The following SH3KBP1 variants were observed in gnomAD, a reference collection of about 807,000 sequenced individuals.
SH3KBP1 encodes the protein SH3 domain-containing kinase-binding protein 1.
In SH3KBP1, 8 loss-of-function variants were observed where a neutral mutation model predicts 50.1. The ratio of observed to expected loss-of-function variants is 0.16; its 90% CI spans 0.09 to 0.29. SH3KBP1 has a LOEUF of 0.29. Among genes scored for constraint, SH3KBP1 ranks in the 10% least tolerant of loss-of-function variants. The pLI is 1.00. For missense variants in SH3KBP1, 377 were observed against 535.2 expected, an observed-to-expected ratio of 0.70 and a Z score of 2.92; for synonymous variants, 227 against 218.6, an observed-to-expected ratio of 1.04 and a Z score of -0.34.
At chrX:19,886,263 T>C (rs186489804) in intron 1 of SH3KBP1, among the ~76,000 whole-genome samples, 141 of 112,288 alleles carry the variant, frequency 1.3e-3, no homozygotes, top group African/African-American at 4.2e-3. Context: ...TCCTGACTAG[T>C]GTACTGGAAT....
At chrX:19,876,324 G>A (rs1217200380) in intron 1 of SH3KBP1, among the ~76,000 whole-genome samples, 1 of 112,013 alleles carries the variant, frequency 8.9e-6, no homozygotes, top group African/African-American at 3.3e-5. Flanking sequence ...TCACACCACT[G>A]CACTCCAGGC....
At chrX:19,721,861 G>A (rs941728404) in intron 3 of SH3KBP1, among the ~76,000 whole-genome samples, 13 of 110,647 alleles carry the variant, frequency 1.2e-4, no homozygotes, top group African/African-American at 4.3e-4. Flanking sequence ...ATTTAACAGA[G>A]CATGGTGATG....
intron 15 of SH3KBP1, among the ~76,000 whole-genome samples, chrX:19,543,851 T>C (rs1402259440): frequency 9.1e-6 from 1 of 109,656 alleles, no homozygotes; most frequent in Non-Finnish European, 1.9e-5. Flanking sequence ...AGAAGAGGGG[T>C]GCCCAGTAGG....
intron 3 of SH3KBP1, among the ~76,000 whole-genome samples, chrX:19,724,567 T>C (rs144846832): frequency 0.023 from 2,556 of 112,042 alleles, 87 homozygotes; most frequent in African/African-American, 0.078. Flanking sequence ...AACTCTGCCA[T>C]TGTAGTGGTG....
intron 5 of SH3KBP1, among the ~76,000 whole-genome samples, chrX:19,695,210 A>G (rs2063386126): frequency 8.9e-6 from 1 of 112,180 alleles, no homozygotes; most frequent in Non-Finnish European, 1.9e-5. Flanking sequence ...CACCACCAGT[A>G]ATTTTTTTTT....
chrX:19,815,814 G>A (rs781101606), intron 2 of SH3KBP1, among the ~76,000 whole-genome samples: 36 of 112,114 alleles, frequency 3.2e-4, no homozygotes, highest in Non-Finnish European at 6.6e-4. Context: ...ATCTATCTAA[G>A]TTGTTGTGTG....
chrX:19,794,256 G>C (rs2066636666), intron 2 of SH3KBP1, among the ~76,000 whole-genome samples: 1 of 104,647 alleles, frequency 9.6e-6, no homozygotes, highest in Non-Finnish European at 1.9e-5. Context: ...AAAAAAATCA[G>C]CCAGGCATGG....
At position 19,818,359 on chromosome X, in the gene SH3KBP1, G is replaced by T. The variant is rs1224521011; in HGVS notation, c.162+17766C>A. ...TTGGGATGTTCTACTGGAGAATCAC[G>T]TCATCTGCAAATAAGATGTTATTCT... On this transcript the variant is annotated intron_variant, in intron 2 of 17. Transcript: ENST00000397821. Among the ~76,000 whole-genome samples the T allele has an allele frequency of 2.7e-5, 3 of 112,165 alleles. No individual in the cohort carries two copies. The East Asian group carries it at 8.3e-4, about 31-fold the overall frequency.
intron 2 of SH3KBP1, among the ~76,000 whole-genome samples, chrX:19,773,490 C>T (rs2065853445): frequency 1.1e-5 from 1 of 92,787 alleles, no homozygotes; most frequent in African/African-American, 4.8e-5. Context: ...CTCTCACACA[C>T]ACAAACACAC....
intron 9 of SH3KBP1, among the ~76,000 whole-genome samples, chrX:19,600,944 G>A (rs1483243015): frequency 8.9e-6 from 1 of 111,885 alleles, no homozygotes; most frequent in Non-Finnish European, 1.9e-5. Context: ...TGTTTCAACA[G>A]CTAGTTGGTA....
Position 19,542,807 on chromosome X carries a change from C to T in SH3KBP1, c.1624-614G>A, listed in dbSNP as rs186706237. Among the ~76,000 whole-genome samples the T allele has an allele frequency of 2.7e-5, 3 of 111,640 alleles. No homozygotes were observed. The Admixed American group carries it at 2.9e-4, about 11-fold the overall frequency. Reference sequence around the variant, plus strand: ...GGTCTAGAGACCGCAGAGCAAAATGCATTGGTGGGAAGTACTGCTAGACCG... The same window carrying T: ...GGTCTAGAGACCGCAGAGCAAAATGTATTGGTGGGAAGTACTGCTAGACCG... On this transcript the variant is annotated intron_variant, in intron 15 of 17. Transcript: ENST00000397821.
intron 2 of SH3KBP1, among the ~76,000 whole-genome samples, chrX:19,778,882 CCTTT>C (rs1233101385): frequency 1.8e-5 from 2 of 110,196 alleles, no homozygotes; most frequent in Admixed American, 2.0e-4. Context: ...GCATTTTGTT[CCTTT>C]CTATTTCACC....
chrX:19,821,805 C>T (rs1001700054), intron 2 of SH3KBP1, among the ~76,000 whole-genome samples: 3 of 111,942 alleles, frequency 2.7e-5, no homozygotes, highest in Admixed American at 1.9e-4. Flanking sequence ...CTGGGATTAC[C>T]GGCGTGAGCC....
intron 3 of SH3KBP1, among the ~76,000 whole-genome samples, chrX:19,711,462 T>C (rs1014291702): frequency 6.3e-5 from 7 of 111,827 alleles, no homozygotes; most frequent in African/African-American, 2.3e-4. Flanking sequence ...TTACAGCATG[T>C]GAAAACTTTA....
At chrX:19,654,483 CTG>C (rs1270946987) in intron 6 of SH3KBP1, among the ~76,000 whole-genome samples, 3 of 111,522 alleles carry the variant, frequency 2.7e-5, no homozygotes, top group Non-Finnish European at 5.7e-5. Context: ...TATGAAAACA[CTG>C]TTTATATTTT....
intron 8 of SH3KBP1, among the ~76,000 whole-genome samples, chrX:19,611,182 G>C (rs774213490): frequency 5.6e-4 from 62 of 111,150 alleles, no homozygotes; most frequent in African/African-American, 1.9e-3. Context: ...TACCACACCT[G>C]GGCTCAAACT....
rs112493377 is a variant in SH3KBP1, at chrX:19,675,078, C to CAAATAAATAAAT, written c.726+8733_726+8744dup. Among the ~76,000 whole-genome samples, 593 of 106,692 alleles carry CAAATAAATAAAT rather than the reference C, an allele frequency of 5.6e-3. 7 individuals are homozygous for CAAATAAATAAAT. Among genetic ancestry groups the CAAATAAATAAAT allele is most frequent in the African/African-American group, 0.019 (552 of 28,605 alleles). 92.6% of individuals were successfully genotyped at this position (106,692 alleles called of 115,157 possible). A position where few individuals can be genotyped will look rare whatever the true frequency, so the allele number is the denominator to read the frequency against. On this transcript the variant is annotated intron_variant, in intron 6 of 17. Coordinates refer to ENST00000397821, the MANE Select transcript of SH3KBP1 (RefSeq NM_031892.3). Reference sequence around the variant, plus strand: ...TGGGTGACAGAGCAAGACCCTGCCTCAAATAAATAAATAAATAAATAAATA... The same window carrying CAAATAAATAAAT: ...TGGGTGACAGAGCAAGACCCTGCCTCAAATAAATAAATAAATAAATAAATAAATAAATAAATA...
At chrX:19,664,605 G>A (rs781363412) in intron 6 of SH3KBP1, 7 of 111,828 alleles carry the variant, frequency 6.3e-5, no homozygotes, top group African/African-American at 1.9e-4. Flanking sequence ...CACTGCGTAC[G>A]AAAATAATAC....
At chrX:19,623,042 C>CAAAAAA (rs773914815) in intron 8 of SH3KBP1, among the ~76,000 whole-genome samples, 1 of 22,225 alleles carries the variant, frequency 4.5e-5, no homozygotes, top group African/African-American at 1.4e-4. Flanking sequence ...CACTCTGACT[C>CAAAAAA]AAAAAAAAAA....
Sources: allele counts gnomAD v4.1 joint callset (sites outside exome capture counted in the v4.1 genomes callset), GRCh38; gene constraint gnomAD v4.1.1; transcripts MANE v1.5; gene names NCBI Gene and HGNC (gene_info 2026-07-23, HGNC 2026-07-21).